Variants in PTK2B observed in about 807,000 individuals in gnomAD.
PTK2B encodes the protein protein tyrosine kinase 2 beta.
PTK2B carries 71 observed loss-of-function variants against 142.9 expected under a neutral mutation model. That is an observed-to-expected ratio of 0.50 (90% CI 0.41 to 0.61). The LOEUF (loss-of-function observed/expected upper bound fraction) is 0.61, where lower values mean the gene tolerates loss of function less well. Ranked by LOEUF, PTK2B falls within the 20% of genes least tolerant of loss-of-function variation. PTK2B has a pLI of 0.00. For synonymous variants in PTK2B, 519 were observed against 503.4 expected (o/e 1.03, Z -0.42); for missense variants, 1,105 against 1,320.4 (o/e 0.84, Z 2.53).
At chr8:27,456,043 C>T (rs1022880119) in intron 30 of PTK2B, among the ~76,000 whole-genome samples, 1 of 152,218 alleles carries the variant, frequency 6.6e-6, no homozygotes, top group South Asian at 2.1e-4. Context: ...CATACAGGAG[C>T]CCTAGGTGGG....
At chr8:27,409,478 G>C (rs1426412916) in intron 2 of PTK2B, among the ~76,000 whole-genome samples, 1 of 152,130 alleles carries the variant, frequency 6.6e-6, no homozygotes, top group African/African-American at 2.4e-5. Context: ...GCTGTGTTGG[G>C]GGCGAAGAAA....
intron 1 of PTK2B, among the ~76,000 whole-genome samples, chr8:27,381,713 G>GT (rs952546958): frequency 3.3e-5 from 5 of 152,162 alleles, no homozygotes; most frequent in African/African-American, 7.2e-5. Flanking sequence ...TCTATTTGTA[G>GT]TTTTTTTGAG....
chr8:27,369,031 G>A (rs1806184083), intron 1 of PTK2B, among the ~76,000 whole-genome samples: 1 of 152,204 alleles, frequency 6.6e-6, no homozygotes, highest in African/African-American at 2.4e-5. Context: ...GTCATCAGAG[G>A]CATTTCTCAG....
At chr8:27,411,716 C>A (rs1809077069) in intron 2 of PTK2B, among the ~76,000 whole-genome samples, 1 of 152,162 alleles carries the variant, frequency 6.6e-6, no homozygotes, top group Non-Finnish European at 1.5e-5. Context: ...CTTCTGTGTG[C>A]CTAAAGGATT....
chr8:27,415,886 C>T (rs757310302), intron 2 of PTK2B, among the ~76,000 whole-genome samples: 1 of 151,808 alleles, frequency 6.6e-6, no homozygotes, highest in African/African-American at 2.4e-5. Context: ...ATAAAGAAGA[C>T]CTAAATAAAT....
At chr8:27,332,456 AT>A (rs1477960740) in intron 1 of PTK2B, among the ~76,000 whole-genome samples, 1 of 152,178 alleles carries the variant, frequency 6.6e-6, no homozygotes, top group Non-Finnish European at 1.5e-5. Flanking sequence ...CCTGTCTGAC[AT>A]CGCCAAGTGA....
At chr8:27,358,152 G>A (rs756124396) in intron 1 of PTK2B, among the ~76,000 whole-genome samples, 29 of 152,162 alleles carry the variant, frequency 1.9e-4, no homozygotes, top group Admixed American at 5.9e-4. Flanking sequence ...CTCCTTGGTA[G>A]ATTGGTTAGA....
chr8:27,418,895 G>T (rs1394142669), intron 2 of PTK2B, among the ~76,000 whole-genome samples: 3 of 152,218 alleles, frequency 2.0e-5, no homozygotes, highest in African/African-American at 7.2e-5. Flanking sequence ...AGGCGTGGTG[G>T]TGCCTACCTG....
chr8:27,327,919 T>C (rs1300538763), intron 1 of PTK2B, among the ~76,000 whole-genome samples: 1 of 152,240 alleles, frequency 6.6e-6, no homozygotes, highest in Non-Finnish European at 1.5e-5. Flanking sequence ...TATTGAATTT[T>C]GCAACACCTT....
At chr8:27,387,652 A>G (rs1482501602) in intron 1 of PTK2B, among the ~76,000 whole-genome samples, 1 of 152,160 alleles carries the variant, frequency 6.6e-6, no homozygotes, top group African/African-American at 2.4e-5. Context: ...CCCAGAGGGA[A>G]ATCACCATAG....
At chr8:27,403,938 C>T (rs1808542835) in intron 2 of PTK2B, among the ~76,000 whole-genome samples, 1 of 151,052 alleles carries the variant, frequency 6.6e-6, no homozygotes, top group South Asian at 2.1e-4. Context: ...TCTCTGCCTC[C>T]TCTTCCTCCT....
chr8:27,322,473 G>A (rs1476167823), upstream of PTK2B: 2 of 152,148 alleles, frequency 1.3e-5, no homozygotes, highest in Non-Finnish European at 1.5e-5. Flanking sequence ...TTGGCACAGA[G>A]TGAACACTTG....
At chr8:27,451,396 TG>T in intron 26 of PTK2B, 88 bp from the exon 27 acceptor site, 2 of 1,583,152 alleles carry the variant, frequency 1.3e-6, no homozygotes, top group Non-Finnish European at 8.6e-7. Context: ...AAACACACAG[TG>T]GAGGGACTGG....
At chr8:27,369,594 C>T (rs1563226300) in intron 1 of PTK2B, among the ~76,000 whole-genome samples, 2 of 152,034 alleles carry the variant, frequency 1.3e-5, no homozygotes, top group Admixed American at 1.3e-4. Flanking sequence ...TGCTTGAATC[C>T]AAGAGGCAGA....
At chr8:27,323,799 A>G (rs1029021403), upstream of PTK2B, among the ~76,000 whole-genome samples, 1 of 152,134 alleles carries the variant, frequency 6.6e-6, no homozygotes, top group Non-Finnish European at 1.5e-5. Context: ...TGATTCTGTG[A>G]GGTAGATTTG....
intron 1 of PTK2B, among the ~76,000 whole-genome samples, chr8:27,350,175 TGTATTTAG>T (rs1360551266): frequency 6.6e-6 from 1 of 152,218 alleles, no homozygotes; most frequent in Admixed American, 6.5e-5. Flanking sequence ...ATGGTGGCTG[TGTATTTAG>T]TAGCAGCCTA....
chr8:27,437,926 C>A (rs374346236), intron 18 of PTK2B, 46 bp downstream of exon 18: 67 of 1,497,594 alleles, frequency 4.5e-5, no homozygotes, highest in Non-Finnish European at 5.7e-5. Flanking sequence ...CAGGCCTTCA[C>A]CAGATCCTCA....
At chr8:27,362,542 A>G (rs958727901) in intron 1 of PTK2B, among the ~76,000 whole-genome samples, 1 of 151,412 alleles carries the variant, frequency 6.6e-6, no homozygotes, top group African/African-American at 2.4e-5. Context: ...CTCTGACACT[A>G]CTCATCCTCC....
intron 1 of PTK2B, among the ~76,000 whole-genome samples, chr8:27,394,834 TA>T (rs1381508772): frequency 6.6e-6 from 1 of 152,166 alleles, no homozygotes; most frequent in East Asian, 1.9e-4. Context: ...TTTTATTTTT[TA>T]TTTTTTTTAC....
Sources: allele counts gnomAD v4.1 joint callset (sites outside exome capture counted in the v4.1 genomes callset), GRCh38; gene constraint gnomAD v4.1.1; transcripts MANE v1.5; gene names NCBI Gene and HGNC (gene_info 2026-07-23, HGNC 2026-07-21).